CAPZA1: variants seen among roughly 807,000 people sequenced by gnomAD.
CAPZA1 encodes the protein capping actin protein of muscle Z-line subunit alpha 1.
CAPZA1 carries 10 observed loss-of-function variants against 40.8 expected under a neutral mutation model. The ratio of observed to expected loss-of-function variants is 0.25; its 90% confidence interval spans 0.15 to 0.42. The LOEUF (loss-of-function observed/expected upper bound fraction) is 0.42. Among genes scored for constraint, CAPZA1 ranks in the 10% least tolerant of loss-of-function variants. CAPZA1 has a pLI of 1.00. For synonymous variants in CAPZA1, 98 were observed against 115.0 expected (o/e 0.85, Z 0.95); for missense variants, 277 against 353.8 (o/e 0.78, Z 1.74).
chr1:112,632,266 C>G (rs999518889), intron 1 of CAPZA1, among the ~76,000 whole-genome samples: 17 of 152,124 alleles, frequency 1.1e-4, no homozygotes, highest in Non-Finnish European at 2.2e-4. Context: ...CAACATCACG[C>G]CACTGCACTC....
At chr1:112,648,942 G>A (rs112781378) in intron 2 of CAPZA1, among the ~76,000 whole-genome samples, 2,041 of 149,764 alleles carry the variant, frequency 0.014, 54 homozygotes, top group African/African-American at 0.048. Flanking sequence ...CAGCCTAGGC[G>A]ACAGGAGTGA....
chr1:112,652,493 A>AG (rs1671412476), intron 3 of CAPZA1, among the ~76,000 whole-genome samples: 1 of 151,954 alleles, frequency 6.6e-6, no homozygotes, highest in African/African-American at 2.4e-5. Context: ...AAAAAAAAAA[A>AG]AAAGCTTTAA....
intron 4 of CAPZA1, 71 bp downstream of exon 4, chr1:112,653,732 A>G: frequency 3.0e-6 from 3 of 1,007,884 alleles, no homozygotes; most frequent in South Asian, 1.4e-5. Flanking sequence ...ACCAAAGCAG[A>G]TGTCTGAACC....
At chr1:112,649,121 T>C (rs1444824978) in intron 2 of CAPZA1, among the ~76,000 whole-genome samples, 3 of 152,240 alleles carry the variant, frequency 2.0e-5, no homozygotes, top group Admixed American at 2.0e-4. Flanking sequence ...CAATTCTTAA[T>C]CTATGCTCAT....
At chr1:112,661,973 ACAT>A (rs1293443841) in intron 7 of CAPZA1, among the ~76,000 whole-genome samples, 1 of 152,256 alleles carries the variant, frequency 6.6e-6, no homozygotes, top group Non-Finnish European at 1.5e-5. Flanking sequence ...ATAGGCAAAA[ACAT>A]CGTTCTGAGA....
intron 5 of CAPZA1, among the ~76,000 whole-genome samples, chr1:112,657,282 T>G (rs766412554): frequency 6.6e-6 from 1 of 152,164 alleles, no homozygotes; most frequent in Non-Finnish European, 1.5e-5. Context: ...CTTCTTTGTC[T>G]GCCCTTTCCA....
intron 7 of CAPZA1, 117 bp from the exon 8 acceptor site, chr1:112,666,957 C>T (rs1485561491): frequency 3.2e-6 from 2 of 632,350 alleles, no homozygotes; most frequent in African/African-American, 3.7e-5. Context: ...ATTATTTGTT[C>T]AGAGTTGGTA....
At chr1:112,668,309 T>TA (rs1352581309) in intron 8 of CAPZA1, among the ~76,000 whole-genome samples, 1 of 152,076 alleles carries the variant, frequency 6.6e-6, no homozygotes, top group African/African-American at 2.4e-5. Context: ...TAAGAAGTGT[T>TA]AAAACTATTC....
At chr1:112,644,184 C>CTTTTTTTTTTTTTT (rs60802838) in intron 1 of CAPZA1, among the ~76,000 whole-genome samples, 1 of 56,788 alleles carries the variant, frequency 1.8e-5, no homozygotes, top group Non-Finnish European at 2.9e-5. Context: ...CTTCTCCCAG[C>CTTTTTTTTTTTTTT]TTTTTTTTTT....
chr1:112,632,052 C>T (rs1670928890), intron 1 of CAPZA1, among the ~76,000 whole-genome samples: 1 of 152,176 alleles, frequency 6.6e-6, no homozygotes, highest in African/African-American at 2.4e-5. Flanking sequence ...TGCCCGTAAT[C>T]CCAGCACTTT....
At chr1:112,666,210 CA>C (rs1268339189) in intron 7 of CAPZA1, among the ~76,000 whole-genome samples, 2 of 152,222 alleles carry the variant, frequency 1.3e-5, no homozygotes, top group Non-Finnish European at 2.9e-5. Context: ...TATTCATATG[CA>C]GTGAGTTCTT....
intron 1 of CAPZA1, among the ~76,000 whole-genome samples, chr1:112,640,812 G>A (rs894457269): frequency 1.3e-5 from 2 of 152,220 alleles, no homozygotes; most frequent in African/African-American, 2.4e-5. Context: ...TTGAGAAATC[G>A]GATGGTTGCC....
rs1671824944 is a variant in CAPZA1 at position 112,671,229 on chromosome 1, G to A, written c.*1097G>A. The A allele has an allele frequency of 6.6e-6, 1 of 152,574 alleles. No homozygotes were observed. The highest frequency in any genetic ancestry group is 6.5e-5 in the Admixed American group (1 of 15,272). 9.5% of individuals were successfully genotyped at this position (152,574 alleles called of 1,614,324 possible). A position where few individuals can be genotyped will look rare whatever the true frequency, so the allele number is the denominator to read the frequency against. Reference sequence around the variant, plus strand: ...AACTGTGATAAAATAACCTTTCCCAGGTATATTGGCAGGTATGTGTGTAAT... The same window carrying A: ...AACTGTGATAAAATAACCTTTCCCAAGTATATTGGCAGGTATGTGTGTAAT... On this transcript the variant is annotated 3_prime_UTR_variant, in exon 10 of 10. Transcript: ENST00000263168.
chr1:112,649,711 G>A, intron 3 of CAPZA1: 1 of 519,928 alleles, frequency 1.9e-6, no homozygotes, highest in Admixed American at 3.8e-5. Flanking sequence ...CCCGATTAAA[G>A]CAGAGTTTAA....
In CAPZA1 at chr1:112,670,169, A is replaced by T. The variant is rs199650232; in HGVS notation, c.*37A>T. 890 of 1,610,802 alleles carry T rather than the reference A, an allele frequency of 5.5e-4. 1 individual carries two copies. The highest frequency in any genetic ancestry group is 2.8e-3 in the Middle Eastern group (17 of 6,052). ...AGGATTCTTCAGTATGTGGAAAGAC[A>T]AGGATTCAACGTGTGGTCATATGAT... On this transcript the variant is annotated 3_prime_UTR_variant, in exon 10 of 10. Transcript: ENST00000263168.
chr1:112,650,956 CTTG>C (rs1005705639), intron 3 of CAPZA1, among the ~76,000 whole-genome samples: 9 of 152,292 alleles, frequency 5.9e-5, no homozygotes, highest in African/African-American at 2.2e-4. Flanking sequence ...GGGGAACCCT[CTTG>C]TTAAGAGAAT....
At chr1:112,659,672 T>C in intron 6 of CAPZA1, 29 bp from the exon 7 acceptor site, 1 of 1,586,950 alleles carries the variant, frequency 6.3e-7, no homozygotes, top group Non-Finnish European at 8.6e-7. Flanking sequence ...TATTGCTAAT[T>C]CTGCAATGTT....
At chr1:112,635,441 A>T (rs1411724868) in intron 1 of CAPZA1, among the ~76,000 whole-genome samples, 1 of 152,178 alleles carries the variant, frequency 6.6e-6, no homozygotes, top group African/African-American at 2.4e-5. Context: ...TGTGGATATT[A>T]TCTAGCGAAA....
chr1:112,631,759 C>A (rs1041895768), intron 1 of CAPZA1, among the ~76,000 whole-genome samples: 1 of 152,112 alleles, frequency 6.6e-6, no homozygotes, highest in African/African-American at 2.4e-5. Context: ...TGGGCAACCT[C>A]CGGACCAGAA....
Sources: gnomAD v4.1 joint callset for allele counts (sites outside exome capture counted in the v4.1 genomes callset) on GRCh38, gnomAD v4.1.1 for gene constraint, MANE v1.5 for transcripts, NCBI Gene and HGNC (gene_info 2026-07-23, HGNC 2026-07-21) for gene names.